Variants in NCALD observed in about 807,000 individuals in gnomAD.
The protein encoded by NCALD is neurocalcin delta.
A neutral mutation model predicts 18.6 loss-of-function variants in NCALD; 10 were observed. The observed-to-expected ratio is 0.54, with a 90% CI of 0.33 to 0.91. The LOEUF (loss-of-function observed/expected upper bound fraction) is 0.91. NCALD is among the 40% of genes least tolerant of loss of function. NCALD has a pLI of 0.03. For synonymous variants in NCALD, 88 were observed against 87.4 expected, an observed-to-expected ratio of 1.01 and a Z score of -0.04; for missense variants, 184 against 247.6, an observed-to-expected ratio of 0.74 and a Z score of 1.72.
intron 1 of NCALD, among the ~76,000 whole-genome samples, chr8:101,733,317 T>G (rs1198517464): frequency 6.6e-6 from 1 of 152,192 alleles, no homozygotes; most frequent in Non-Finnish European, 1.5e-5. Flanking sequence ...CAGCAAGGTG[T>G]GTAGAAAGAG....
intron 2 of NCALD, among the ~76,000 whole-genome samples, chr8:101,943,039 A>G (rs759066526): frequency 2.6e-5 from 4 of 152,212 alleles, no homozygotes; most frequent in African/African-American, 4.8e-5. Flanking sequence ...GAATTTTGCA[A>G]GATGAAGGCA....
chr8:101,766,433 T>C (rs1414268076), intron 1 of NCALD, among the ~76,000 whole-genome samples: 1 of 152,226 alleles, frequency 6.6e-6, no homozygotes, highest in Non-Finnish European at 1.5e-5. Flanking sequence ...TTGGTGTATA[T>C]CCTTCCAGAT....
intron 2 of NCALD, among the ~76,000 whole-genome samples, chr8:101,952,994 C>G (rs1819490347): frequency 6.6e-6 from 1 of 151,980 alleles, no homozygotes; most frequent in Non-Finnish European, 1.5e-5. Context: ...CCTTCATCCC[C>G]ACGGGTTTTG....
At chr8:101,928,060 G>T (rs2131684407) in intron 2 of NCALD, among the ~76,000 whole-genome samples, 1 of 152,288 alleles carries the variant, frequency 6.6e-6, no homozygotes, top group Non-Finnish European at 1.5e-5. Flanking sequence ...TGAATGACAA[G>T]CTGGGAACTA....
intron 2 of NCALD, among the ~76,000 whole-genome samples, chr8:101,973,060 G>A (rs1400077584): frequency 6.6e-6 from 1 of 152,138 alleles, no homozygotes; most frequent in African/African-American, 2.4e-5. Flanking sequence ...GGAAGAGAAG[G>A]GCAGTGATAT....
chr8:102,098,141 G>A (rs1437505942), intron 1 of NCALD, among the ~76,000 whole-genome samples: 1 of 152,234 alleles, frequency 6.6e-6, no homozygotes, highest in Non-Finnish European at 1.5e-5. Context: ...AGAGAACTGA[G>A]AGTGAGAAAG....
intron 1 of NCALD, among the ~76,000 whole-genome samples, chr8:101,730,307 C>T (rs1039459260): frequency 3.4e-4 from 51 of 151,832 alleles, no homozygotes; most frequent in African/African-American, 1.2e-3. Flanking sequence ...TGGTGAAACC[C>T]CGTCTCTACT....
intron 4 of NCALD, among the ~76,000 whole-genome samples, chr8:101,844,108 C>T (rs1814765890): frequency 6.6e-6 from 1 of 152,186 alleles, no homozygotes; most frequent in Non-Finnish European, 1.5e-5. Flanking sequence ...ACATCCTGAC[C>T]TTTTCCTGTG....
Position 101,801,663 on chromosome 8 carries a change from T to C in NCALD, c.-19-82015A>G, listed in dbSNP as rs1234139894. On this transcript the variant is annotated intron_variant, in intron 4 of 6. Coordinates refer to the NCALD transcript ENST00000311028. ...ACTTACTTTTTTTTTTTTTTTTTTT[T>C]TTTTTTTTTTTTTTTTTTTTTGAGA... Among the ~76,000 whole-genome samples, 11 of 94,680 alleles carry C rather than the reference T, an allele frequency of 1.2e-4. 1 individual carries two copies. Among genetic ancestry groups the C allele is most frequent in the African/African-American group, 5.0e-4 (9 of 17,936 alleles). The allele number at this position is 94,680 out of a possible 152,430, so 62.1% of individuals were successfully genotyped here.
At chr8:101,802,459 G>A (rs1031406488) in intron 4 of NCALD, among the ~76,000 whole-genome samples, 9 of 152,088 alleles carry the variant, frequency 5.9e-5, no homozygotes, top group South Asian at 2.1e-4. Flanking sequence ...TGAGAAAAGC[G>A]TGTTGAAAGC....
chr8:102,024,124 ATGGGAAAAAAAC>A (rs1045425285), intron 1 of NCALD, among the ~76,000 whole-genome samples: 3 of 152,216 alleles, frequency 2.0e-5, no homozygotes, highest in African/African-American at 2.4e-5. Flanking sequence ...GCGTAACTGA[ATGGGAAAAAAAC>A]AGAACACAGC....
At chr8:101,746,342 A>G (rs923035463) in intron 1 of NCALD, among the ~76,000 whole-genome samples, 1 of 152,244 alleles carries the variant, frequency 6.6e-6, no homozygotes, top group Non-Finnish European at 1.5e-5. Flanking sequence ...GGGCAGAATA[A>G]TACCTTATAA....
intron 2 of NCALD, among the ~76,000 whole-genome samples, chr8:101,989,023 GT>G (rs1361417550): frequency 6.6e-6 from 1 of 151,998 alleles, no homozygotes; most frequent in African/African-American, 2.4e-5. Context: ...GAGGACTGGA[GT>G]TTTAAGAATG....
intron 4 of NCALD, among the ~76,000 whole-genome samples, chr8:101,846,952 G>A (rs1814892455): frequency 6.6e-6 from 1 of 152,132 alleles, no homozygotes; most frequent in African/African-American, 2.4e-5. Context: ...TTCCAGTAGA[G>A]ACTGCAGGTT....
chr8:101,875,042 CATA>C (rs1046297243), intron 4 of NCALD, among the ~76,000 whole-genome samples: 18 of 152,184 alleles, frequency 1.2e-4, no homozygotes, highest in African/African-American at 4.1e-4. Flanking sequence ...AACATAACTG[CATA>C]ATAATAATGA....
intron 1 of NCALD, among the ~76,000 whole-genome samples, chr8:101,753,805 A>T (rs934658096): frequency 3.3e-5 from 5 of 152,200 alleles, no homozygotes; most frequent in African/African-American, 1.2e-4. Flanking sequence ...AAGAACTGAG[A>T]TTAGCAGAGT....
intron 2 of NCALD, among the ~76,000 whole-genome samples, chr8:102,002,621 T>C (rs186693036): frequency 0.012 from 1,765 of 152,236 alleles, 40 homozygotes; most frequent in African/African-American, 0.04. Context: ...GACCACATAG[T>C]TGGAAGTAAA....
intron 1 of NCALD, among the ~76,000 whole-genome samples, chr8:102,047,735 A>T (rs77567329): frequency 0.11 from 16,792 of 152,162 alleles, 1,121 homozygotes; most frequent in African/African-American, 0.19. Context: ...ATTTACTTCT[A>T]CGGACAATCT....
chr8:101,698,059 CT>C (rs1368393369), intron 2 of NCALD, among the ~76,000 whole-genome samples: 1 of 152,172 alleles, frequency 6.6e-6, no homozygotes, highest in Non-Finnish European at 1.5e-5. Context: ...CCCAAAACTC[CT>C]TAAGCTGATA....
Sources: allele counts gnomAD v4.1 joint callset (sites outside exome capture counted in the v4.1 genomes callset), GRCh38; gene constraint gnomAD v4.1.1; transcripts MANE v1.5; gene names NCBI Gene and HGNC (gene_info 2026-07-23, HGNC 2026-07-21).